Variants in MUC5B observed in about 807,000 individuals in gnomAD.
MUC5B encodes the protein mucin-5B.
A neutral mutation model predicts 376.9 loss-of-function variants in MUC5B; 116 were observed. The observed-to-expected ratio is 0.31, with a 90% CI of 0.26 to 0.36. MUC5B has a LOEUF of 0.36. MUC5B is among the 10% of genes least tolerant of loss of function. The pLI is 1.00. For synonymous variants in MUC5B, 3,517 were observed against 3,390.9 expected, an observed-to-expected ratio of 1.04 and a Z score of -1.29; for missense variants, 7,165 against 7,769.9, an observed-to-expected ratio of 0.92 and a Z score of 2.93.
At position 1,244,578 on chromosome 11, in the gene MUC5B, A is replaced by C. The variant is rs1590180378; in HGVS notation, c.7698A>C (p.Thr2566=). 1 of 1,604,134 alleles carries C rather than the reference A, an allele frequency of 6.2e-7. No homozygotes were observed. The highest frequency in any genetic ancestry group is 1.4e-5 in the African/African-American group (1 of 71,170). The change falls in exon 31 of 49, where the codon ACA becomes ACC. Residue 2566 remains threonine (T), a synonymous_variant. Coordinates refer to ENST00000529681, the MANE Select transcript of MUC5B (RefSeq NM_002458.3). ...CCACGGCCACCATGTCCACAGCCAC[A>C]CCCTCCTCCACTCCAGAGACTGTCC... ...TTPTATMSTA[T]PSSTPETVHT...
intron 10 of MUC5B, 25 bp from the exon 11 acceptor site, chr11:1,229,980 T>C (rs375895918): frequency 1.7e-4 from 264 of 1,575,408 alleles, no homozygotes; most frequent in Middle Eastern, 5.1e-4. Context: ...GACATGCCGG[T>C]TCTGCTCACG....
intron 31 of MUC5B, 56 bp downstream of exon 31, chr11:1,251,799 G>C: frequency 7.9e-7 from 1 of 1,269,352 alleles, no homozygotes; most frequent in Non-Finnish European, 1.1e-6. Context: ...ATGCCAACCT[G>C]GGTCTGCCTG....
chr11:1,232,288 G>GA (rs1381237058), intron 15 of MUC5B, 128 bp downstream of exon 15: 2 of 1,363,062 alleles, frequency 1.5e-6, no homozygotes, highest in Non-Finnish European at 1.0e-6. Flanking sequence ...GAGGCATCAG[G>GA]AGGAGGTGCT....
At chr11:1,259,325 AGTGAGACCCGAGGCACCTGCCCCCAG>A (rs1187943766) in intron 44 of MUC5B, among the ~76,000 whole-genome samples, 1 of 111,128 alleles carries the variant, frequency 9.0e-6, no homozygotes, top group Non-Finnish European at 1.9e-5. Flanking sequence ...CCTGCCCCCA[AGTGAGACCCGAGGCACCTGCCCCCAG>A]GTGAGCCCAC....
rs1320519471 is a variant in MUC5B at position 1,250,495 on chromosome 11, C to G, written c.13615C>G (p.Gln4539Glu). 7 of 1,602,348 alleles carry G rather than the reference C, an allele frequency of 4.4e-6. No individual in the cohort carries two copies. Among genetic ancestry groups the G allele is most frequent in the Non-Finnish European group, 6.0e-6 (7 of 1,170,594 alleles). ...SLGTTWTRLS[Q>E]TTTPTATMST... Reference sequence around the variant, plus strand: ...GGGCACCACCTGGACCCGCCTATCACAGACCACCACACCCACGGCCACCAT... The same window carrying G: ...GGGCACCACCTGGACCCGCCTATCAGAGACCACCACACCCACGGCCACCAT... The change falls in exon 31 of 49, where the codon CAG (glutamine) becomes GAG (glutamate). Residue 4539 changes from glutamine (Q) to glutamate (E), a missense_variant. By Grantham distance (29) the Gln-to-Glu change is conservative. This residue lies in a region of MUC5B where 431 missense variants were observed against 390.4 expected (regional missense o/e 1.10). Coordinates refer to ENST00000529681, the MANE Select transcript of MUC5B (RefSeq NM_002458.3).
Position 1,242,818 on chromosome 11 carries a change from G to T in MUC5B, c.5938G>T (p.Val1980Phe), listed in dbSNP as rs189444561. ...STATTPTATS[V>F]TPIPSSSLGT... The stretch of plus-strand genomic sequence containing the variant: ...AGCCACCACACCCACAGCTACCAGC[G>T]TTACACCCATCCCCTCTTCCTCCCT... Residue 1980 changes from valine (V) to phenylalanine (F), a missense_variant, in exon 31 of 49, where the codon GTT (valine) becomes TTT (phenylalanine). By Grantham distance (50) the Val-to-Phe change is conservative. Transcript: ENST00000529681. 2.5e-5 allele frequency: 41 copies of T among 1,611,150 alleles called. No individual in the cohort carries two copies. The highest frequency in any genetic ancestry group is 6.7e-5 in the East Asian group (3 of 44,714).
At position 1,230,472 on chromosome 11, in the gene MUC5B, G is replaced by A. The variant is rs773701812; in HGVS notation, c.1360-18G>A. 6.3e-6 allele frequency: 10 copies of A among 1,584,404 alleles called. No homozygotes were observed. Among genetic ancestry groups the A allele is most frequent in the Non-Finnish European group, 7.7e-6 (9 of 1,163,640 alleles). ...TCATCGAGCCAGGCCCAATGCACGC[G>A]TGGGTCCTTCTCCCCAGAAATGTGC... On this transcript the variant is annotated intron_variant, in intron 11 of 48. Transcript: ENST00000529681.
At position 1,253,958 on chromosome 11, in the gene MUC5B, G is replaced by A. The variant is rs1448886677; in HGVS notation, c.15218-134G>A. The A allele has an allele frequency of 7.2e-6, 9 of 1,248,576 alleles. No homozygotes were observed. Among genetic ancestry groups the A allele is most frequent in the Admixed American group, 2.4e-5 (1 of 41,220 alleles). The allele number at this position is 1,248,576 out of a possible 1,614,324, so 77.3% of individuals were successfully genotyped here. On this transcript the variant is annotated intron_variant, in intron 33 of 48. Transcript: ENST00000529681. The surrounding 1 kb of genome is among the most constrained non-coding windows in gnomAD (Gnocchi z 4.3). ...ACACACTGGACCCATTTTTATAGACGAGGCAGCTGAGGCCCCAGGGGCTTC... is the reference window on the plus strand; with the variant it reads ...ACACACTGGACCCATTTTTATAGACAAGGCAGCTGAGGCCCCAGGGGCTTC...
chr11:1,260,749 G>A, intron 48 of MUC5B, 21 bp downstream of exon 48: 1 of 1,573,828 alleles, frequency 6.4e-7, no homozygotes, highest in Admixed American at 1.7e-5. Context: ...TCCTGGCCCT[G>A]TGCCAAGAGC....
Position 1,251,335 on chromosome 11 carries a change from C to G in MUC5B, c.14455C>G (p.Leu4819Val), listed in dbSNP as rs1387666303. The change falls in exon 31 of 49, where the codon CTC becomes GTC. Residue 4819 changes from leucine (L) to valine (V), a missense_variant. Leu to Val is a conservative substitution (Grantham distance 32, BLOSUM62 1). Transcript: ENST00000529681. ...PSSTLGTTRI[L>V]TELTTTATTT... is the part of the protein sequence containing the mutation. ...CTCCACTCTGGGGACGACCCGGATCCTCACTGAGCTGACCACAACAGCCAC... is the reference window on the plus strand; with the variant it reads ...CTCCACTCTGGGGACGACCCGGATCGTCACTGAGCTGACCACAACAGCCAC... The G allele has an allele frequency of 6.2e-7, 1 of 1,610,922 alleles. No individual in the cohort carries two copies. Among genetic ancestry groups the G allele is most frequent in the African/African-American group, 1.3e-5 (1 of 74,794 alleles).
rs569141958 is a variant in MUC5B, at chr11:1,255,180, C to T, written c.15804C>T (p.Pro5268=). The change falls in exon 36 of 49, where the codon CCC becomes CCT. Residue 5268 remains proline, a synonymous_variant. Transcript: ENST00000529681. ...GCTGGGCCCCGACTGGCACACCCCCCACTGCCAGCCCCGCAGCCCCGGTGT... is the reference window on the plus strand; with the variant it reads ...GCTGGGCCCCGACTGGCACACCCCCTACTGCCAGCCCCGCAGCCCCGGTGT... ...DGCWAPTGTP[P]TASPAAPVSS... 39 of 1,554,714 alleles carry T rather than the reference C, an allele frequency of 2.5e-5. No individual in the cohort carries two copies. The South Asian group carries it at 4.1e-4, about 17-fold the overall frequency.
Position 1,247,583 on chromosome 11 carries a change from C to G in MUC5B, c.10703C>G (p.Thr3568Ser). 5.6e-6 allele frequency: 9 copies of G among 1,610,916 alleles called. No homozygotes were observed. The highest frequency in any genetic ancestry group is 2.7e-5 in the African/African-American group (2 of 74,884). The change falls in exon 31 of 49, where the codon ACC (threonine) becomes AGC (serine). Residue 3568 changes from threonine to serine, a missense_variant. This residue lies in a region of MUC5B where 81 missense variants were observed against 154.5 expected (regional missense o/e 0.52). Coordinates refer to ENST00000529681, the MANE Select transcript of MUC5B (RefSeq NM_002458.3). The stretch of plus-strand genomic sequence containing the variant: ...TCGGCCCCCATAACCACGGTGGTGA[C>G]CACGGGCTGTGAGCCCCAGTGTGCC... ...PTSAPITTVV[T>S]TGCEPQCAWS...
chr11:1,241,295 C>A lies in MUC5B; in HGVS notation c.4415C>A (p.Pro1472Gln). 2 of 1,600,664 alleles carry A rather than the reference C, an allele frequency of 1.2e-6. No individual in the cohort carries two copies. The highest frequency in any genetic ancestry group is 1.1e-5 in the South Asian group (1 of 89,288). ...ATEKTTLWVT[P>Q]SIRSTAALTS... ...GAAAAGACCACCCTATGGGTGACCC[C>A]GAGCATCCGGTCGACGGCGGCCCTC... is the stretch of plus-strand genomic sequence containing the variant. Residue 1472 changes from proline (P) to glutamine (Q), a missense_variant, in exon 31 of 49, where the codon CCG (proline) becomes CAG (glutamine). Transcript: ENST00000529681.
chr11:1,241,772 C>T lies in MUC5B; in HGVS notation c.4892C>T (p.Pro1631Leu), dbSNP rs368026158. The change falls in exon 31 of 49, where the codon CCG (proline) becomes CTG (leucine). Residue 1631 changes from proline (P) to leucine (L), a missense_variant. Coordinates refer to ENST00000529681, the MANE Select transcript of MUC5B (RefSeq NM_002458.3). ...TTTTQALFSTPQPTSSPGLTR... is the reference protein window; with the variant it reads ...TTTTQALFSTLQPTSSPGLTR... ...ACCACCCAGGCCCTGTTCTCAACGC[C>T]GCAGCCTACGAGTAGCCCGGGGCTG... is the stretch of plus-strand genomic sequence containing the variant. The T allele has an allele frequency of 5.9e-5, 95 of 1,612,226 alleles. No homozygotes were observed. Among genetic ancestry groups the T allele is most frequent in the South Asian group, 3.8e-4 (35 of 90,926 alleles).
At chr11:1,229,885 TG>T in intron 10 of MUC5B, 78 bp downstream of exon 10, 2 of 1,545,866 alleles carry the variant, frequency 1.3e-6, no homozygotes. Context: ...AGCCTCTGCC[TG>T]GGGTGGGGGT....
rs1459544815 is a variant in MUC5B at position 1,242,807 on chromosome 11, C to G, written c.5927C>G (p.Thr1976Arg). The change falls in exon 31 of 49, where the codon ACA becomes AGA. Residue 1976 changes from threonine (T) to arginine (R), a missense_variant. By Grantham distance (71) the Thr-to-Arg change is moderately conservative. This residue lies in a region of MUC5B where 897 missense variants were observed against 779.6 expected (regional missense o/e 1.15). Transcript: ENST00000529681. ...CTGAGAAGCACAGCCACCACACCCA[C>G]AGCTACCAGCGTTACACCCATCCCC... ...PALRSTATTP[T>R]ATSVTPIPSS... The G allele has an allele frequency of 1.9e-6, 3 of 1,613,704 alleles. No individual in the cohort carries two copies. Among genetic ancestry groups the G allele is most frequent in the Non-Finnish European group, 1.7e-6 (2 of 1,179,778 alleles).
Position 1,257,858 on chromosome 11 carries a change from G to A in MUC5B, c.16450+148G>A. ...GCGGCAGGACCACTCGGCAGAGATGGCCTCCAGGTGCTTCATTCTCCTCCT... is the reference window on the plus strand; with the variant it reads ...GCGGCAGGACCACTCGGCAGAGATGACCTCCAGGTGCTTCATTCTCCTCCT... On this transcript the variant is annotated intron_variant, in intron 41 of 48. Coordinates refer to ENST00000529681, the MANE Select transcript of MUC5B (RefSeq NM_002458.3). This position sits in a 1 kb window ranked among gnomAD's most constrained non-coding sequence, Gnocchi z 8.9. The A allele has an allele frequency of 3.9e-6, 4 of 1,035,126 alleles. No individual in the cohort carries two copies. The South Asian group carries it at 5.0e-5, about 13-fold the overall frequency. 64.1% of individuals were successfully genotyped at this position (1,035,126 alleles called of 1,614,324 possible). A position where few individuals can be genotyped will look rare whatever the true frequency, so the allele number is the denominator to read the frequency against.
Position 1,243,559 on chromosome 11 carries a change from A to G in MUC5B, c.6679A>G (p.Ile2227Val), listed in dbSNP as rs749442163. 1 of 1,607,326 alleles carries G rather than the reference A, an allele frequency of 6.2e-7. No individual in the cohort carries two copies. Among genetic ancestry groups the G allele is most frequent in the East Asian group, 2.2e-5 (1 of 44,474 alleles). Reference sequence around the variant, plus strand: ...CTCGGGCATCTTGGGCACCACCCACATCACAGAGCCTTCCACGGTGACTTC... The same window carrying G: ...CTCGGGCATCTTGGGCACCACCCACGTCACAGAGCCTTCCACGGTGACTTC... ...ATSGILGTTH[I>V]TEPSTVTSHT... Residue 2227 changes from isoleucine (I) to valine (V), a missense_variant, in exon 31 of 49, where the codon ATC becomes GTC. By Grantham distance (29) the Ile-to-Val change is conservative (BLOSUM62 3). Coordinates refer to ENST00000529681, the MANE Select transcript of MUC5B (RefSeq NM_002458.3).
chr11:1,233,981 G>A, intron 19 of MUC5B, 133 bp downstream of exon 19: 1 of 976,962 alleles, frequency 1.0e-6, no homozygotes. Flanking sequence ...CCTGGGCTCT[G>A]CCACAGGCAC....
Sources: gnomAD v4.1 joint callset for allele counts (sites outside exome capture counted in the v4.1 genomes callset) on GRCh38, gnomAD v4.1.1 for gene constraint, gnomAD v4.1.1 regional missense constraint, Gnocchi (gnomAD v3.1) non-coding constraint, MANE v1.5 for transcripts, NCBI Gene and HGNC (gene_info 2026-07-23, HGNC 2026-07-21) for gene names.